Variants in DPY19L2 observed in about 807,000 individuals in gnomAD.
DPY19L2 encodes dpy-19 like 2, also known as probable C-mannosyltransferase DPY19L2.
DPY19L2 carries 34 observed loss-of-function variants against 97.9 expected under a neutral mutation model. The ratio of observed to expected loss-of-function variants is 0.35; its 90% CI spans 0.26 to 0.46. DPY19L2 has a LOEUF of 0.46. DPY19L2 is among the 20% of genes least tolerant of loss of function. DPY19L2 has a pLI of 1.00. For synonymous variants in DPY19L2, 230 were observed against 307.9 expected, an observed-to-expected ratio of 0.75 and a Z score of 2.65; for missense variants, 623 against 911.4, an observed-to-expected ratio of 0.68 and a Z score of 4.07.
intron 18 of DPY19L2, among the ~76,000 whole-genome samples, chr12:63,581,781 C>CACTCTTACACAAACCTGAA (rs1880971499): frequency 6.7e-6 from 1 of 148,450 alleles, no homozygotes; most frequent in African/African-American, 2.5e-5. Flanking sequence ...CTGTGCCTGG[C>CACTCTTACACAAACCTGAA]CACCAGGAAA....
At chr12:63,624,981 T>C (rs1431214147) in intron 7 of DPY19L2, among the ~76,000 whole-genome samples, 1 of 152,200 alleles carries the variant, frequency 6.6e-6, no homozygotes, top group Non-Finnish European at 1.5e-5. Context: ...TGTCAGCACA[T>C]TGTTGAATGA....
intron 11 of DPY19L2, among the ~76,000 whole-genome samples, chr12:63,613,400 T>G (rs1470566454): frequency 6.6e-6 from 1 of 152,100 alleles, no homozygotes; most frequent in Non-Finnish European, 1.5e-5. Context: ...CTATATGATA[T>G]CATATCTTCG....
intron 21 of DPY19L2, among the ~76,000 whole-genome samples, chr12:63,561,141 T>C (rs539032970): frequency 1.0e-3 from 155 of 152,292 alleles, no homozygotes; most frequent in African/African-American, 3.5e-3. Context: ...TCTTCAATGC[T>C]TTCCCATTTT....
At position 63,668,421 on chromosome 12, in the gene DPY19L2, A is replaced by C; in HGVS notation, c.-28T>G. On this transcript the variant is annotated 5_prime_UTR_variant, in exon 1 of 22. It adds an upstream start codon to the 5' untranslated region. Transcript: ENST00000324472. ...TCAAGGAGTATGGTGGAGCTGGGTC[A>C]ATTTCAGGCACAGCCCAGCCGAGTC... 6.4e-7 allele frequency: 1 copy of C among 1,558,754 alleles called. No individual in the cohort carries two copies. The highest frequency in any genetic ancestry group is 8.7e-7 in the Non-Finnish European group (1 of 1,153,628).
intron 21 of DPY19L2, among the ~76,000 whole-genome samples, chr12:63,565,131 A>G (rs895830684): frequency 6.6e-5 from 10 of 152,182 alleles, no homozygotes; most frequent in African/African-American, 2.2e-4. Context: ...AAATTTCTTG[A>G]AAGTAGCCTA....
intron 16 of DPY19L2, chr12:63,591,134 C>T: frequency 2.2e-6 from 1 of 455,800 alleles, no homozygotes; most frequent in Non-Finnish European, 4.4e-6. Context: ...CTGTCTGGAA[C>T]AATATAGAAT....
rs143206613 is a variant in DPY19L2, at chr12:63,575,693, T to C, written c.1901-4836A>G. Among the ~76,000 whole-genome samples the C allele has an allele frequency of 5.9e-4, 90 of 151,682 alleles. 1 individual carries two copies. The East Asian group carries it at 0.016, about 26-fold the overall frequency. On this transcript the variant is annotated intron_variant, in intron 19 of 21. Coordinates refer to ENST00000324472, the MANE Select transcript of DPY19L2 (RefSeq NM_173812.5). ...CTGTATGCCAATAAATCGGAAAACATAGAAATGGATAAATCCCTAGATACA... is the reference window on the plus strand; with the variant it reads ...CTGTATGCCAATAAATCGGAAAACACAGAAATGGATAAATCCCTAGATACA...
At chr12:63,628,728 C>T (rs1315573023) in intron 6 of DPY19L2, among the ~76,000 whole-genome samples, 1 of 151,470 alleles carries the variant, frequency 6.6e-6, no homozygotes, top group Non-Finnish European at 1.5e-5. Context: ...GTGGTTCTCC[C>T]AGCACGCAGC....
At chr12:63,634,251 T>C (rs1039539333) in intron 6 of DPY19L2, among the ~76,000 whole-genome samples, 1 of 151,978 alleles carries the variant, frequency 6.6e-6, no homozygotes, top group African/African-American at 2.4e-5. Flanking sequence ...ACAGAAATAA[T>C]AATGATGGCA....
At chr12:63,614,815 A>G (rs561818851) in intron 11 of DPY19L2, among the ~76,000 whole-genome samples, 1 of 152,264 alleles carries the variant, frequency 6.6e-6, no homozygotes, top group South Asian at 2.1e-4. Context: ...GAGAGCCTGC[A>G]ACCTATAATA....
chr12:63,648,731 G>A (rs1893780174), intron 4 of DPY19L2, among the ~76,000 whole-genome samples: 2 of 151,808 alleles, frequency 1.3e-5, no homozygotes, highest in Non-Finnish European at 1.5e-5. Context: ...TGATACCAGA[G>A]GTATCTAGTT....
At chr12:63,583,900 T>C in intron 16 of DPY19L2, 64 bp from the exon 17 acceptor site, 2 of 1,388,250 alleles carry the variant, frequency 1.4e-6, no homozygotes, top group Non-Finnish European at 2.0e-6. Context: ...TACATAAAAA[T>C]AAGCTTCATT....
At chr12:63,608,081 T>C (rs1886357897) in intron 12 of DPY19L2, among the ~76,000 whole-genome samples, 1 of 152,194 alleles carries the variant, frequency 6.6e-6, no homozygotes, top group Admixed American at 6.5e-5. Context: ...TCCATCTGCA[T>C]ATTTGGGAAG....
intron 6 of DPY19L2, 87 bp from the exon 7 acceptor site, chr12:63,626,613 T>TA: frequency 2.7e-6 from 4 of 1,480,786 alleles, no homozygotes; most frequent in South Asian, 1.3e-5. Flanking sequence ...CCTCAGAATT[T>TA]AAAATCACAG....
rs1278045720 is a variant in DPY19L2 at position 63,661,499 on chromosome 12, CATAT to C, written c.451-22_451-19del. 1 of 1,485,748 alleles carries C rather than the reference CATAT, an allele frequency of 6.7e-7. No homozygotes were observed. The highest frequency in any genetic ancestry group is 1.4e-5 in the South Asian group (1 of 73,108). The allele number at this position is 1,485,748 out of a possible 1,614,324, so 92.0% of individuals were successfully genotyped here. ...TAAAGTCCCTTTTTTTAAAAAAAGA[CATAT>C]ATTGTCAATGTAATTAAAACTTTAA... On this transcript the variant is annotated intron_variant, in intron 3 of 21. Transcript: ENST00000324472.
At chr12:63,617,834 G>A (rs540477904) in intron 10 of DPY19L2, among the ~76,000 whole-genome samples, 11,678 of 152,042 alleles carry the variant, frequency 0.077, 695 homozygotes, top group African/African-American at 0.16. Flanking sequence ...ATTTCAGTTA[G>A]AGTGTCATAT....
At chr12:63,612,903 G>C (rs1407742846) in intron 11 of DPY19L2, among the ~76,000 whole-genome samples, 2 of 151,954 alleles carry the variant, frequency 1.3e-5, no homozygotes, top group African/African-American at 4.8e-5. Context: ...CAATGAATTT[G>C]ACATCATAAA....
At chr12:63,660,245 T>C (rs1431735124) in intron 4 of DPY19L2, among the ~76,000 whole-genome samples, 1 of 152,072 alleles carries the variant, frequency 6.6e-6, no homozygotes, top group African/African-American at 2.4e-5. Context: ...TTAGATTACA[T>C]TGCTTGTAAT....
At chr12:63,614,528 T>C (rs899205092) in intron 11 of DPY19L2, among the ~76,000 whole-genome samples, 1 of 152,022 alleles carries the variant, frequency 6.6e-6, no homozygotes, top group African/African-American at 2.4e-5. Flanking sequence ...GAAAGAAGGA[T>C]ATGCAAAAAA....
Sources: gnomAD v4.1 joint callset for allele counts (sites outside exome capture counted in the v4.1 genomes callset) on GRCh38, gnomAD v4.1.1 for gene constraint, MANE v1.5 for transcripts, NCBI Gene and HGNC (gene_info 2026-07-23, HGNC 2026-07-21) for gene names.